Variants in TUBAL3 observed in about 807,000 individuals in gnomAD.
TUBAL3 encodes the protein tubulin alpha like 3, also known as tubulin alpha chain-like 3.
In TUBAL3, 16 loss-of-function variants were observed where a neutral mutation model predicts 15.5. The observed-to-expected ratio is 1.04, with a 90% CI of 0.70 to 1.57. The LOEUF (loss-of-function observed/expected upper bound fraction) is 1.57, where lower values mean the gene tolerates loss of function less well. TUBAL3 is among the 40% of genes most tolerant of loss of function. The pLI is 0.00. For missense variants in TUBAL3, 609 were observed against 576.2 expected (o/e 1.06, Z -0.58); for synonymous variants, 238 against 224.3 (o/e 1.06, Z -0.55).
intron 2 of TUBAL3, among the ~76,000 whole-genome samples, chr10:5,398,123 T>TA (rs1303510012): frequency 6.6e-6 from 1 of 151,802 alleles, no homozygotes; most frequent in Non-Finnish European, 1.5e-5. Flanking sequence ...CCTATCTCTA[T>TA]AAAAAACAAA....
At chr10:5,399,385 A>G (rs1183177399) in intron 2 of TUBAL3, among the ~76,000 whole-genome samples, 1 of 152,178 alleles carries the variant, frequency 6.6e-6, no homozygotes, top group Admixed American at 6.5e-5. Flanking sequence ...GGCCCTTATA[A>G]GAAGAGACAC....
At chr10:5,399,655 C>A (rs76105533) in intron 2 of TUBAL3, among the ~76,000 whole-genome samples, 9,511 of 152,308 alleles carry the variant, frequency 0.062, 334 homozygotes, top group South Asian at 0.17. Context: ...TATCACCCAG[C>A]TGAAGTGTTT....
intron 2 of TUBAL3, among the ~76,000 whole-genome samples, chr10:5,400,603 C>T (rs1242414810): frequency 2.6e-5 from 4 of 152,190 alleles, no homozygotes; most frequent in Non-Finnish European, 5.9e-5. Flanking sequence ...TGCACTCCTG[C>T]CTGAGTGACT....
In TUBAL3 at chr10:5,401,106, A is replaced by C. The variant is rs79465218; in HGVS notation, c.4-19T>G. 1,242 of 1,613,180 alleles carry C rather than the reference A, an allele frequency of 7.7e-4. 33 individuals are homozygous for C. In the East Asian group the frequency reaches 0.027, roughly 36 times the overall value. ...ACTCCCTCTAAAATAAGTCATGGTG[A>C]GTTGGAACTGAGCAGGTGTTTAGAA... On this transcript the variant is annotated intron_variant, in intron 1 of 3. Transcript: ENST00000380419.
Position 5,393,659 on chromosome 10 carries a change from TG to T in TUBAL3, c.1198del (p.His400ThrfsTer72), listed in dbSNP as rs781949557. ...CTTGGCGTACATGAGGTCAAACTTG[TG>T]GTCCAGGCGGGCCCAGGCCTCCACA... ...AIVEAWARLD[H>X]KFDLMYAKRA... On this transcript the variant is annotated frameshift_variant, in exon 4 of 4. Transcript: ENST00000380419. LOFTEE classifies it high-confidence loss of function. 1 of 1,614,206 alleles carries T rather than the reference TG, an allele frequency of 6.2e-7. No individual in the cohort carries two copies. The highest frequency in any genetic ancestry group is 8.5e-7 in the Non-Finnish European group (1 of 1,180,042).
Position 5,393,760 on chromosome 10 carries a change from C to T in TUBAL3, c.1098G>A (p.Pro366=), listed in dbSNP as rs61729611. 1,026 of 1,614,170 alleles carry T rather than the reference C, an allele frequency of 6.4e-4. 2 individuals are homozygous for T. In the African/African-American group the frequency reaches 0.011, roughly 18 times the overall value. Residue 366 remains proline (P), a synonymous_variant, in exon 4 of 4, where the codon CCG becomes CCA. Coordinates refer to ENST00000380419, the MANE Select transcript of TUBAL3 (RefSeq NM_024803.3). ...TGFKVGINNR[P]PTVMPGGDLA... is the part of the protein sequence containing the mutation. ...GGTCCCCACCCGGCATCACCGTGGG[C>T]GGCCGATTGTTGATGCCCACCTTGA...
At chr10:5,404,554 G>A (rs1234023560) in intron 1 of TUBAL3, among the ~76,000 whole-genome samples, 2 of 152,188 alleles carry the variant, frequency 1.3e-5, no homozygotes, top group Non-Finnish European at 2.9e-5. Context: ...ATGGCAGTGA[G>A]CTACTGCAAA....
Position 5,394,322 on chromosome 10 carries a change from T to A in TUBAL3, c.536A>T (p.Tyr179Phe). The change falls in exon 4 of 4, where the codon TAC (tyrosine) becomes TTC (phenylalanine). Residue 179 changes from tyrosine (Y) to phenylalanine (F), a missense_variant. Tyr to Phe is a conservative substitution (Grantham distance 22). Coordinates refer to ENST00000380419, the MANE Select transcript of TUBAL3 (RefSeq NM_024803.3). The surrounding 1 kb of genome is among the most constrained non-coding windows in gnomAD (Gnocchi z 4.3). ...AGCAGTGGAGATCCTGGGGGCTGGG[T>A]AGACCGAGAACTCCAGCTTAGTCTT... The part of the protein sequence containing the change: ...SRKTKLEFSV[Y>F]PAPRISTAVV... 6.2e-7 allele frequency: 1 copy of A among 1,614,120 alleles called. No homozygotes were observed.
rs782379809 is a variant in TUBAL3 at position 5,396,842 on chromosome 10, G to A, written c.248-1367C>T. Among the ~76,000 whole-genome samples the A allele has an allele frequency of 1.3e-5, 2 of 152,176 alleles. No individual in the cohort carries two copies. The highest frequency in any genetic ancestry group is 2.9e-5 in the Non-Finnish European group (2 of 68,024). ...AAGTAGGCTTTGGGACGGCTGCCCT[G>A]GTTACTGTGGGATACTGCATTGCTT... On this transcript the variant is annotated intron_variant, in intron 2 of 3. Transcript: ENST00000380419. The surrounding 1 kb of genome is among the most constrained non-coding windows in gnomAD (Gnocchi z 5.1).
chr10:5,401,158 C>T, intron 1 of TUBAL3, 71 bp from the exon 2 acceptor site: 1 of 1,577,054 alleles, frequency 6.3e-7, no homozygotes, highest in Non-Finnish European at 8.6e-7. Flanking sequence ...CTCAGCCCTT[C>T]TGGTTACAAA....
Position 5,393,607 on chromosome 10 carries a change from T to A in TUBAL3, c.1251A>T (p.Arg417Ser), listed in dbSNP as rs1554813702. Reference sequence around the variant, plus strand: ...AGAACTCTGCTTCTTCCATGCCTTCTCTGAGGTACCAGTGCAGAAATGCTC... The same window carrying A: ...AGAACTCTGCTTCTTCCATGCCTTCACTGAGGTACCAGTGCAGAAATGCTC... ...AKRAFLHWYLREGMEEAEFLE... is the reference protein window; with the variant it reads ...AKRAFLHWYLSEGMEEAEFLE... The change falls in exon 4 of 4, where the codon AGA becomes AGT. Residue 417 changes from arginine to serine, a missense_variant. Transcript: ENST00000380419. The A allele has an allele frequency of 6.2e-7, 1 of 1,614,212 alleles. No individual in the cohort carries two copies. Among genetic ancestry groups the A allele is most frequent in the Non-Finnish European group, 8.5e-7 (1 of 1,180,036 alleles).
chr10:5,403,543 T>TAA (rs71388426), intron 1 of TUBAL3, among the ~76,000 whole-genome samples: 115 of 148,026 alleles, frequency 7.8e-4, no homozygotes, highest in South Asian at 2.6e-3. Context: ...TCACTAACAT[T>TAA]AAAAAAAAAA....
chr10:5,393,955 G>A lies in TUBAL3; in HGVS notation c.903C>T (p.Ala301=), dbSNP rs7097775. The A allele has an allele frequency of 0.65, 1,057,071 of 1,613,946 alleles. 348,531 individuals are homozygous for A. Among genetic ancestry groups the A allele is most frequent in the Admixed American group, 0.77 (46,305 of 60,006 alleles). The part of the protein sequence containing the change: ...EQFSVSDITT[A]CFESSNQLVK... ...CCAGCTGGTTGGAGGACTCAAAGCAGGCAGTGGTGATGTCTGACACAGAGA... is the reference window on the plus strand; with the variant it reads ...CCAGCTGGTTGGAGGACTCAAAGCAAGCAGTGGTGATGTCTGACACAGAGA... Residue 301 remains alanine (A), a synonymous_variant, in exon 4 of 4, where the codon GCC becomes GCT. Transcript: ENST00000380419.
rs1225453030 is a variant in TUBAL3, at chr10:5,393,159, T to C, written c.*358A>G. 1.0e-5 allele frequency: 2 copies of C among 191,402 alleles called. No homozygotes were observed. The highest frequency in any genetic ancestry group is 2.1e-5 in the Non-Finnish European group (2 of 94,870). 11.9% of individuals were successfully genotyped at this position (191,402 alleles called of 1,614,324 possible). On this transcript the variant is annotated 3_prime_UTR_variant, in exon 4 of 4. Transcript: ENST00000380419. ...AAATGTAGACATGGGGGAAAAAACA[T>C]TCGTAATCAACATGTGCTGTTTTCT...
rs782719379 is a variant in TUBAL3 at position 5,393,341 on chromosome 10, A to T, written c.*176T>A. 25 of 583,998 alleles carry T rather than the reference A, an allele frequency of 4.3e-5. No individual in the cohort carries two copies. The highest frequency in any genetic ancestry group is 6.8e-5 in the Non-Finnish European group (23 of 340,260). 36.2% of individuals were successfully genotyped at this position (583,998 alleles called of 1,614,324 possible). ...AGCTGACTTGTACCAGTAGACCAGGAAATAATGTGTTCATTGTTGGTACTG... is the reference window on the plus strand; with the variant it reads ...AGCTGACTTGTACCAGTAGACCAGGTAATAATGTGTTCATTGTTGGTACTG... On this transcript the variant is annotated 3_prime_UTR_variant, in exon 4 of 4. Coordinates refer to ENST00000380419, the MANE Select transcript of TUBAL3 (RefSeq NM_024803.3).
In TUBAL3 at chr10:5,393,796, A is replaced by G. The variant is rs1479498449; in HGVS notation, c.1062T>C (p.Cys354=). The change falls in exon 4 of 4, where the codon TGT becomes TGC. Residue 354 remains cysteine (C), a synonymous_variant. Coordinates refer to ENST00000380419, the MANE Select transcript of TUBAL3 (RefSeq NM_024803.3). ...SRHSVQFVDW[C]PTGFKVGINN... ...TGATGCCCACCTTGAAACCAGTTGG[A>G]CACCAATCTACAAACTGAACAGAGT... 1 of 1,614,194 alleles carries G rather than the reference A, an allele frequency of 6.2e-7. No individual in the cohort carries two copies. The highest frequency in any genetic ancestry group is 2.2e-5 in the East Asian group (1 of 44,884).
In TUBAL3 at chr10:5,396,796, A is replaced by T. The variant is rs897948138; in HGVS notation, c.248-1321T>A. On this transcript the variant is annotated intron_variant, in intron 2 of 3. Transcript: ENST00000380419. This position sits in a 1 kb window ranked among gnomAD's most constrained non-coding sequence, Gnocchi z 5.1. ...TCAAATAGCATTATTCCTGATGATTAAACAGCAGTGTTTCAGGGCTAAGTA... is the reference window on the plus strand; with the variant it reads ...TCAAATAGCATTATTCCTGATGATTTAACAGCAGTGTTTCAGGGCTAAGTA... Among the ~76,000 whole-genome samples the T allele has an allele frequency of 7.2e-5, 11 of 152,220 alleles. No homozygotes were observed. The highest frequency in any genetic ancestry group is 1.3e-4 in the Non-Finnish European group (9 of 68,044).
rs1831751821 is a variant in TUBAL3, at chr10:5,395,540, A to T, written c.248-65T>A. ...GCAATTCAGCCGTCCACCTGCTGCT[A>T]GTCCTCCTGGAGCCTCCCCGTACTT... On this transcript the variant is annotated intron_variant, in intron 2 of 3. Coordinates refer to ENST00000380419, the MANE Select transcript of TUBAL3 (RefSeq NM_024803.3). The surrounding 1 kb of genome is among the most constrained non-coding windows in gnomAD (Gnocchi z 4.6). The T allele has an allele frequency of 7.4e-7, 1 of 1,355,604 alleles. No homozygotes were observed. The highest frequency in any genetic ancestry group is 1.5e-5 in the African/African-American group (1 of 67,292). The allele number at this position is 1,355,604 out of a possible 1,614,324, so 84.0% of individuals were successfully genotyped here. A position where few individuals can be genotyped will look rare whatever the true frequency, so the allele number is the denominator to read the frequency against.
intron 1 of TUBAL3, among the ~76,000 whole-genome samples, chr10:5,401,942 A>C (rs1481884171): frequency 6.6e-6 from 1 of 152,202 alleles, no homozygotes; most frequent in Non-Finnish European, 1.5e-5. Context: ...AGGATGTTAC[A>C]TCAACACAAT....
Sources: allele counts gnomAD v4.1 joint callset (sites outside exome capture counted in the v4.1 genomes callset), GRCh38; gene constraint gnomAD v4.1.1; non-coding constraint Gnocchi (gnomAD v3.1); transcripts MANE v1.5; gene names NCBI Gene and HGNC (gene_info 2026-07-23, HGNC 2026-07-21).